Variants in DLG2 observed in about 807,000 individuals in gnomAD.
DLG2 encodes disks large homolog 2.
Under a neutral mutation model 132.5 loss-of-function variants are expected in DLG2, and 45 were observed. The ratio of observed to expected loss-of-function variants is 0.34; its 90% CI spans 0.27 to 0.44. The LOEUF is 0.44. Among genes scored for constraint, DLG2 ranks in the 20% least tolerant of loss-of-function variants. The pLI, the probability that DLG2 is intolerant of heterozygous loss-of-function variation, is 1.00. For missense variants in DLG2, 1,045 were observed against 1,196.9 expected (o/e 0.87, Z 1.87); for synonymous variants, 424 against 419.6 (o/e 1.01, Z -0.13).
chr11:84,606,243 T>G (rs2154535745), intron 6 of DLG2, among the ~76,000 whole-genome samples: 1 of 152,260 alleles, frequency 6.6e-6, no homozygotes, highest in Non-Finnish European at 1.5e-5. Flanking sequence ...GTATACATAA[T>G]TTAAATGCAC....
chr11:85,147,737 CTTTTA>C (rs138962124), intron 5 of DLG2, among the ~76,000 whole-genome samples: 7,564 of 151,786 alleles, frequency 0.05, 272 homozygotes, highest in East Asian at 0.095. Flanking sequence ...GGTCAATATT[CTTTTA>C]TTTTATTTTA....
chr11:85,334,382 A>AT (rs1005642456), intron 3 of DLG2, among the ~76,000 whole-genome samples: 8 of 151,936 alleles, frequency 5.3e-5, no homozygotes, highest in African/African-American at 1.9e-4. Flanking sequence ...TAAAGAACAA[A>AT]TTTTTTGTTT....
intron 11 of DLG2, among the ~76,000 whole-genome samples, chr11:84,049,757 G>A (rs1290920748): frequency 6.6e-6 from 1 of 151,700 alleles, no homozygotes; most frequent in Non-Finnish European, 1.5e-5. Flanking sequence ...GGGTTACTTG[G>A]CCTGATAATA....
At chr11:83,498,910 A>G in intron 21 of DLG2, among the ~76,000 whole-genome samples, 1 of 152,098 alleles carries the variant, frequency 6.6e-6, no homozygotes. Flanking sequence ...AAGATTTAAA[A>G]GGGAATACTA....
rs1566547467 is a variant in DLG2, at chr11:83,689,922, T to TA, written c.1826-56598_1826-56597insT. On this transcript the variant is annotated intron_variant, in intron 18 of 27. Coordinates refer to ENST00000376104, the MANE Select transcript of DLG2 (RefSeq NM_001142699.3). ...AATATATTTATGTAAATATTATATATTTACATAAATATATAATATATATTA... is the reference window on the plus strand; with the variant it reads ...AATATATTTATGTAAATATTATATATATTACATAAATATATAATATATATTA... 5.2e-3 allele frequency among the ~76,000 whole-genome samples: 746 copies of TA among 144,120 alleles called. 3 individuals carry two copies. The highest frequency in any genetic ancestry group is 0.018 in the African/African-American group (707 of 39,360). 94.5% of individuals were successfully genotyped at this position (144,120 alleles called of 152,430 possible).
At chr11:84,591,257 G>GTGTGCA (rs71036430) in intron 6 of DLG2, among the ~76,000 whole-genome samples, 1 of 139,796 alleles carries the variant, frequency 7.2e-6, no homozygotes, top group African/African-American at 3.2e-5. Context: ...GTGTGTGTGT[G>GTGTGCA]CGCGTCTTTC....
Position 83,541,574 on chromosome 11 carries a change from T to C in DLG2, c.2117+108A>G, listed in dbSNP as rs1386863217. ...ATTTTCCTGCAGATTGACTATCCCA[T>C]TTAAATAAATTTAATTTTGTGAACA... On this transcript the variant is annotated intron_variant, in intron 20 of 27. Coordinates refer to ENST00000376104, the MANE Select transcript of DLG2 (RefSeq NM_001142699.3). The C allele has an allele frequency of 2.9e-6, 3 of 1,017,928 alleles. No homozygotes were observed. The East Asian group carries it at 8.5e-5, about 29-fold the overall frequency. 63.1% of individuals were successfully genotyped at this position (1,017,928 alleles called of 1,614,324 possible). A position where few individuals can be genotyped will look rare whatever the true frequency, so the allele number is the denominator to read the frequency against.
At chr11:85,017,055 G>C (rs1252654690) in intron 6 of DLG2, among the ~76,000 whole-genome samples, 1 of 152,056 alleles carries the variant, frequency 6.6e-6, no homozygotes, top group Non-Finnish European at 1.5e-5. Context: ...ATGCTACAAG[G>C]GCAGAGTTGG....
At chr11:83,602,336 A>G (rs1335421038) in intron 19 of DLG2, among the ~76,000 whole-genome samples, 1 of 152,248 alleles carries the variant, frequency 6.6e-6, no homozygotes, top group Non-Finnish European at 1.5e-5. Context: ...CAGATTAGTC[A>G]TCTGAGTCAT....
chr11:84,611,024 T>TATACAC (rs71036432), intron 6 of DLG2, among the ~76,000 whole-genome samples: 6 of 138,116 alleles, frequency 4.3e-5, no homozygotes, highest in South Asian at 2.5e-4. Flanking sequence ...TTAGATGACA[T>TATACAC]ACACACACAC....
chr11:83,913,300 T>C (rs1460220569), intron 15 of DLG2, among the ~76,000 whole-genome samples: 1 of 152,096 alleles, frequency 6.6e-6, no homozygotes, highest in Non-Finnish European at 1.5e-5. Flanking sequence ...GCACAGAGCA[T>C]TTCACAGGAT....
chr11:83,789,594 C>T (rs1276746952), intron 17 of DLG2, among the ~76,000 whole-genome samples: 1 of 152,060 alleles, frequency 6.6e-6, no homozygotes, highest in African/African-American at 2.4e-5. Flanking sequence ...GTTGCCCAGC[C>T]TGGAGTGCAG....
chr11:84,472,139 T>A lies in DLG2; in HGVS notation c.519+62431A>T, dbSNP rs2099110066. Among the ~76,000 whole-genome samples the A allele has an allele frequency of 2.0e-5, 3 of 152,016 alleles. No homozygotes were observed. In the South Asian group the frequency reaches 6.2e-4, roughly 31 times the overall value. On this transcript the variant is annotated intron_variant, in intron 7 of 27. Transcript: ENST00000376104. ...TTAGAATAAGCTATCTTTCCTAAAA[T>A]GATTAGTTCGTATTGCTATCTTATG... is the stretch of plus-strand genomic sequence containing the variant.
chr11:83,632,885 A>G (rs1229972763), intron 19 of DLG2: 1 of 261,634 alleles, frequency 3.8e-6, no homozygotes, highest in Non-Finnish European at 7.4e-6. Flanking sequence ...TAAATGTCCA[A>G]GGGTTTGGTC....
At chr11:84,346,766 CG>C (rs1478037115) in intron 7 of DLG2, among the ~76,000 whole-genome samples, 1 of 152,038 alleles carries the variant, frequency 6.6e-6, no homozygotes, top group African/African-American at 2.4e-5. Flanking sequence ...TTAGCAGAGG[CG>C]GGGTTTCACC....
At chr11:85,305,788 C>T (rs1331613856) in intron 3 of DLG2, among the ~76,000 whole-genome samples, 6 of 152,218 alleles carry the variant, frequency 3.9e-5, no homozygotes, top group Non-Finnish European at 8.8e-5. Context: ...GCTGGGATTA[C>T]AGGCGTGAGC....
chr11:84,383,495 A>G lies in DLG2; in HGVS notation c.520-132204T>C, dbSNP rs571553040. 3.9e-5 allele frequency among the ~76,000 whole-genome samples: 6 copies of G among 152,244 alleles called. No individual in the cohort carries two copies. The East Asian group carries it at 1.2e-3, about 29-fold the overall frequency. ...GCAAAAAAGATGGGATATCATGCCCATGATTACCTTACATTATATAAGACA... is the reference window on the plus strand; with the variant it reads ...GCAAAAAAGATGGGATATCATGCCCGTGATTACCTTACATTATATAAGACA... On this transcript the variant is annotated intron_variant, in intron 7 of 27. Transcript: ENST00000376104.
intron 6 of DLG2, among the ~76,000 whole-genome samples, chr11:84,989,678 A>C (rs985177600): frequency 1.3e-5 from 2 of 152,236 alleles, no homozygotes; most frequent in African/African-American, 4.8e-5. Context: ...AAATTGAAAA[A>C]AGAATGTAGG....
intron 3 of DLG2, among the ~76,000 whole-genome samples, chr11:85,527,519 C>CATTATTCATTTTTTTT (rs1266222152): frequency 6.6e-6 from 1 of 152,134 alleles, no homozygotes; most frequent in Non-Finnish European, 1.5e-5. Context: ...CTGCAAAGGA[C>CATTATTCATTTTTTTT]ATGCACTCAT....
Sources: gnomAD v4.1 joint callset for allele counts (sites outside exome capture counted in the v4.1 genomes callset) on GRCh38, gnomAD v4.1.1 for gene constraint, MANE v1.5 for transcripts, NCBI Gene and HGNC (gene_info 2026-07-23, HGNC 2026-07-21) for gene names.